ST6GALNAC5: variants seen among roughly 807,000 people sequenced by gnomAD.
ST6GALNAC5 encodes alpha-N-acetylgalactosaminide alpha-2,6-sialyltransferase 5.
In ST6GALNAC5, 27 loss-of-function variants were observed where a neutral mutation model predicts 33.6. That is an observed-to-expected ratio of 0.80 (90% CI 0.59 to 1.11). The LOEUF is 1.11. Ranked by LOEUF, ST6GALNAC5 falls within the 50% of genes least tolerant of loss-of-function variation. The pLI is 0.00. For missense variants in ST6GALNAC5, 428 were observed against 454.0 expected (o/e 0.94, Z 0.52); for synonymous variants, 194 against 171.2 (o/e 1.13, Z -1.04).
At chr1:76,901,191 A>G (rs1263451128) in intron 2 of ST6GALNAC5, among the ~76,000 whole-genome samples, 2 of 152,230 alleles carry the variant, frequency 1.3e-5, no homozygotes, top group African/African-American at 4.8e-5. Context: ...AAAATAGTCC[A>G]AGGATGTAAA....
chr1:76,891,340 A>G (rs1210178461), intron 2 of ST6GALNAC5, among the ~76,000 whole-genome samples: 1 of 152,170 alleles, frequency 6.6e-6, no homozygotes, highest in Non-Finnish European at 1.5e-5. Flanking sequence ...CATTTATTTA[A>G]TGAAGCATGA....
chr1:76,881,225 G>A (rs554265977), intron 2 of ST6GALNAC5, among the ~76,000 whole-genome samples: 1 of 152,112 alleles, frequency 6.6e-6, no homozygotes. Flanking sequence ...TAAAACTTTT[G>A]GGGGGAGGTA....
At chr1:76,937,577 C>A (rs1405686442) in intron 2 of ST6GALNAC5, among the ~76,000 whole-genome samples, 2 of 151,952 alleles carry the variant, frequency 1.3e-5, no homozygotes, top group Non-Finnish European at 2.9e-5. Context: ...AATACATGCA[C>A]ACATAAAGGA....
chr1:76,911,649 A>G (rs558622321), intron 2 of ST6GALNAC5, among the ~76,000 whole-genome samples: 56 of 152,014 alleles, frequency 3.7e-4, no homozygotes, highest in African/African-American at 9.2e-4. Context: ...CAGAGATTCA[A>G]CTTCTTCCTG....
chr1:76,918,077 T>A (rs1377267983), intron 2 of ST6GALNAC5, among the ~76,000 whole-genome samples: 1 of 152,156 alleles, frequency 6.6e-6, no homozygotes, highest in Non-Finnish European at 1.5e-5. Flanking sequence ...ATTTGACACA[T>A]AAGTTAACTG....
chr1:77,056,798 C>T (rs956925730), intron 4 of ST6GALNAC5, among the ~76,000 whole-genome samples: 1 of 152,154 alleles, frequency 6.6e-6, no homozygotes, highest in Non-Finnish European at 1.5e-5. Flanking sequence ...GTCCCATGAA[C>T]TGTGGGCAGC....
intron 2 of ST6GALNAC5, among the ~76,000 whole-genome samples, chr1:77,041,524 C>T (rs562679373): frequency 6.6e-6 from 1 of 152,314 alleles, no homozygotes; most frequent in East Asian, 1.9e-4. Context: ...ACTCTTCCCT[C>T]TTCATCATTT....
intron 2 of ST6GALNAC5, among the ~76,000 whole-genome samples, chr1:76,898,041 G>A (rs543600190): frequency 2.0e-4 from 30 of 152,324 alleles, no homozygotes; most frequent in African/African-American, 5.5e-4. Flanking sequence ...GTCTTCAGCC[G>A]CTAAGCTAAG....
chr1:76,954,134 C>T (rs761951920), intron 2 of ST6GALNAC5, among the ~76,000 whole-genome samples: 8 of 151,980 alleles, frequency 5.3e-5, no homozygotes, highest in Non-Finnish European at 8.8e-5. Context: ...TACCTAAATG[C>T]CCATCAGTGA....
At chr1:76,921,433 C>T (rs890063920) in intron 2 of ST6GALNAC5, among the ~76,000 whole-genome samples, 1 of 152,016 alleles carries the variant, frequency 6.6e-6, no homozygotes, top group East Asian at 1.9e-4. Flanking sequence ...TAAAAACAGT[C>T]AGTAAAACTG....
chr1:77,035,763 C>T (rs187236978), intron 2 of ST6GALNAC5, among the ~76,000 whole-genome samples: 2 of 152,250 alleles, frequency 1.3e-5, no homozygotes, highest in Non-Finnish European at 2.9e-5. Flanking sequence ...AGAGACAGTA[C>T]TAAGTGATGA....
intron 2 of ST6GALNAC5, among the ~76,000 whole-genome samples, chr1:76,969,940 C>G (rs145382935): frequency 6.6e-6 from 1 of 152,222 alleles, no homozygotes; most frequent in Non-Finnish European, 1.5e-5. Flanking sequence ...CAAACTCCAA[C>G]TGACCTGCGG....
intron 2 of ST6GALNAC5, among the ~76,000 whole-genome samples, chr1:76,895,344 T>A (rs577354869): frequency 2.7e-4 from 41 of 151,766 alleles, no homozygotes; most frequent in African/African-American, 9.7e-4. Context: ...CTGCTTCAAG[T>A]GGGATTAGGG....
chr1:77,029,545 A>G (rs1460374220), intron 2 of ST6GALNAC5, among the ~76,000 whole-genome samples: 1 of 152,182 alleles, frequency 6.6e-6, no homozygotes, highest in East Asian at 1.9e-4. Flanking sequence ...TTCCATTAGG[A>G]GGCACAGGGC....
intron 2 of ST6GALNAC5, among the ~76,000 whole-genome samples, chr1:76,979,788 G>A (rs1236513839): frequency 1.3e-5 from 2 of 152,152 alleles, no homozygotes; most frequent in Non-Finnish European, 2.9e-5. Flanking sequence ...TTATCTGGGT[G>A]TGGTGGCAGG....
At chr1:77,000,673 G>A (rs1045855432) in intron 2 of ST6GALNAC5, among the ~76,000 whole-genome samples, 54 of 150,620 alleles carry the variant, frequency 3.6e-4, no homozygotes, top group Non-Finnish European at 1.0e-4. Context: ...TTTGTATAAG[G>A]TGTAAGGAAG....
At chr1:77,027,150 C>T (rs1293431054) in intron 2 of ST6GALNAC5, among the ~76,000 whole-genome samples, 1 of 152,200 alleles carries the variant, frequency 6.6e-6, no homozygotes, top group Non-Finnish European at 1.5e-5. Context: ...GATCCTTTCA[C>T]GGTTCTGTAA....
intron 2 of ST6GALNAC5, among the ~76,000 whole-genome samples, chr1:76,982,188 C>T (rs974827332): frequency 1.3e-5 from 2 of 152,142 alleles, no homozygotes; most frequent in Admixed American, 1.3e-4. Flanking sequence ...AAGTAGTCTT[C>T]AGAAGGTCGG....
At chr1:76,965,220 C>CA (rs200297562) in intron 2 of ST6GALNAC5, among the ~76,000 whole-genome samples, 2 of 151,440 alleles carry the variant, frequency 1.3e-5, no homozygotes, top group African/African-American at 2.4e-5. Context: ...TTACCACCCC[C>CA]CCCACCAACA....
Sources: allele counts gnomAD v4.1 joint callset (sites outside exome capture counted in the v4.1 genomes callset), GRCh38; gene constraint gnomAD v4.1.1; transcripts MANE v1.5; gene names NCBI Gene and HGNC (gene_info 2026-07-23, HGNC 2026-07-21).